Variants in FRMD3 observed in about 807,000 individuals in gnomAD.
FRMD3 encodes the protein FERM domain containing 3, also known as FERM domain-containing protein 3.
In FRMD3, 33 loss-of-function variants were observed where a neutral mutation model predicts 70.2. That is an observed-to-expected ratio of 0.47 (90% confidence interval 0.36 to 0.63). The LOEUF (loss-of-function observed/expected upper bound fraction) is 0.63, where lower values mean the gene tolerates loss of function less well. Among genes scored for constraint, FRMD3 ranks in the 20% least tolerant of loss-of-function variants. The pLI, the probability that FRMD3 is intolerant of heterozygous loss-of-function variation, is 0.00. For missense variants in FRMD3, 632 were observed against 711.4 expected (o/e 0.89, Z 1.27); for synonymous variants, 279 against 255.9 (o/e 1.09, Z -0.86).
the FRMD3 span, among the ~76,000 whole-genome samples, chr9:83,579,092 G>A: frequency 6.6e-6 from 1 of 151,770 alleles, no homozygotes; most frequent in Non-Finnish European, 1.5e-5. Flanking sequence ...AACCTTAGGG[G>A]TAAATTTAAC....
intron 3 of FRMD3, among the ~76,000 whole-genome samples, chr9:83,357,387 G>A (rs1488603566): frequency 6.0e-5 from 9 of 149,390 alleles, no homozygotes; most frequent in African/African-American, 1.5e-4. Flanking sequence ...ATAAACATGC[G>A]TGTGCAAGTA....
chr9:83,472,612 C>T lies in FRMD3; in HGVS notation c.147+65473G>A, dbSNP rs139667895. Among the ~76,000 whole-genome samples, 86 of 152,274 alleles carry T rather than the reference C, an allele frequency of 5.6e-4. No individual in the cohort carries two copies. The East Asian group carries it at 0.012, about 21-fold the overall frequency. ...ACTAGGGGCCAGCACAATATCCATT[C>T]GGTGACTTTTATTTCATGAGAACAT... On this transcript the variant is annotated intron_variant, in intron 1 of 13. Transcript: ENST00000304195.
intron 13 of FRMD3, chr9:83,267,149 C>G (rs1563983433): frequency 2.6e-6 from 4 of 1,550,620 alleles, no homozygotes; most frequent in Non-Finnish European, 3.5e-6. Flanking sequence ...ACTGGTTATT[C>G]CAATCCCCTT....
At chr9:83,454,718 G>T (rs1022728225) in intron 1 of FRMD3, among the ~76,000 whole-genome samples, 2 of 152,152 alleles carry the variant, frequency 1.3e-5, no homozygotes, top group African/African-American at 4.8e-5. Context: ...TATACAAGAT[G>T]GCACACTGGA....
intron 1 of FRMD3, among the ~76,000 whole-genome samples, chr9:83,395,956 A>T (rs1432493602): frequency 6.6e-6 from 1 of 152,234 alleles, no homozygotes; most frequent in African/African-American, 2.4e-5. Flanking sequence ...GAACATAGTA[A>T]TAAGAACTAC....
intron 2 of FRMD3, among the ~76,000 whole-genome samples, chr9:83,381,443 C>T (rs2131279056): frequency 6.6e-6 from 1 of 152,062 alleles, no homozygotes; most frequent in African/African-American, 2.4e-5. Context: ...GTATTCCCAG[C>T]TACTCAGGAG....
chr9:83,583,941 G>A, the FRMD3 span, among the ~76,000 whole-genome samples: 20 of 152,062 alleles, frequency 1.3e-4, no homozygotes, highest in Admixed American at 1.3e-3. Flanking sequence ...CCTGATCCTG[G>A]TTTTCCTCCT....
At chr9:83,513,866 G>T (rs1564112014) in intron 1 of FRMD3, among the ~76,000 whole-genome samples, 1 of 152,160 alleles carries the variant, frequency 6.6e-6, no homozygotes, top group Non-Finnish European at 1.5e-5. Flanking sequence ...AGGGGTTGGG[G>T]AACTCCCTCC....
At chr9:83,295,049 G>T (rs912811455) in intron 12 of FRMD3, among the ~76,000 whole-genome samples, 1 of 152,148 alleles carries the variant, frequency 6.6e-6, no homozygotes, top group Non-Finnish European at 1.5e-5. Flanking sequence ...TATCTGGCCC[G>T]CTTTGCAGCC....
chr9:83,272,150 C>T, intron 13 of FRMD3, among the ~76,000 whole-genome samples: 1 of 151,944 alleles, frequency 6.6e-6, no homozygotes, highest in East Asian at 1.9e-4. Flanking sequence ...CCCTCTGATG[C>T]CTAGCTGAAG....
chr9:83,243,913 A>C (rs1415361247), downstream of FRMD3, among the ~76,000 whole-genome samples: 1 of 152,138 alleles, frequency 6.6e-6, no homozygotes, highest in African/African-American at 2.4e-5. Context: ...AGGGGAGGAT[A>C]GAAGTGGAAT....
intron 13 of FRMD3, among the ~76,000 whole-genome samples, chr9:83,282,409 A>C (rs1834008759): frequency 6.6e-6 from 1 of 152,218 alleles, no homozygotes; most frequent in Admixed American, 6.5e-5. Flanking sequence ...GGCCCGCCAC[A>C]GGCTATATAT....
intron 1 of FRMD3, among the ~76,000 whole-genome samples, chr9:83,439,948 A>C (rs1827249048): frequency 6.6e-6 from 1 of 152,200 alleles, no homozygotes; most frequent in Non-Finnish European, 1.5e-5. Context: ...ATATTCAGGA[A>C]TTTTTCAAGC....
At chr9:83,300,911 A>G (rs771401779) in intron 10 of FRMD3, among the ~76,000 whole-genome samples, 26 of 152,218 alleles carry the variant, frequency 1.7e-4, no homozygotes, top group Non-Finnish European at 3.1e-4. Flanking sequence ...GTCTTTATCG[A>G]GAGAACAATG....
chr9:83,430,725 G>A (rs754345154), intron 1 of FRMD3, among the ~76,000 whole-genome samples: 1 of 152,124 alleles, frequency 6.6e-6, no homozygotes, highest in African/African-American at 2.4e-5. Context: ...TATCTTCGAT[G>A]TTTAAAAACA....
downstream of FRMD3, chr9:83,243,171 G>A (rs1392025285): frequency 1.7e-5 from 26 of 1,549,242 alleles, no homozygotes; most frequent in Non-Finnish European, 2.1e-5. Flanking sequence ...TCTTGGCTGA[G>A]CTCACCACGG....
intron 13 of FRMD3, among the ~76,000 whole-genome samples, chr9:83,262,950 C>T (rs1302374272): frequency 2.0e-5 from 3 of 152,060 alleles, no homozygotes; most frequent in Non-Finnish European, 4.4e-5. Flanking sequence ...GGTTTTAAAA[C>T]GGGCATATGG....
intron 1 of FRMD3, among the ~76,000 whole-genome samples, chr9:83,412,722 C>T (rs951680114): frequency 7.9e-5 from 12 of 152,236 alleles, no homozygotes; most frequent in South Asian, 6.2e-4. Flanking sequence ...TGGCCGGGCA[C>T]GGTGGCTCAC....
chr9:83,282,685 C>A (rs1834019388), intron 13 of FRMD3, among the ~76,000 whole-genome samples: 1 of 152,110 alleles, frequency 6.6e-6, no homozygotes, highest in Non-Finnish European at 1.5e-5. Context: ...TGTCTGTGGT[C>A]ACCTGGCTGC....
Sources: allele counts gnomAD v4.1 joint callset (sites outside exome capture counted in the v4.1 genomes callset), GRCh38; gene constraint gnomAD v4.1.1; transcripts MANE v1.5; gene names NCBI Gene and HGNC (gene_info 2026-07-23, HGNC 2026-07-21).